The following PSMB1 variants were observed in gnomAD, a reference collection of about 807,000 sequenced individuals.
PSMB1 encodes the protein proteasome 20S subunit beta 1, also known as proteasome subunit beta type-1.
A neutral mutation model predicts 25.4 loss-of-function variants in PSMB1; 7 were observed. That is an observed-to-expected ratio of 0.28 (90% CI 0.16 to 0.52). The LOEUF (loss-of-function observed/expected upper bound fraction) is 0.52, where lower values mean the gene tolerates loss of function less well. PSMB1 is among the 20% of genes least tolerant of loss of function. The probability of loss-of-function intolerance (pLI) is 0.97; values close to 1 mark genes in which losing one functional copy is unlikely to be tolerated. For missense variants in PSMB1, 284 were observed against 302.2 expected, an observed-to-expected ratio of 0.94 and a Z score of 0.45; for synonymous variants, 119 against 115.0, an observed-to-expected ratio of 1.03 and a Z score of -0.22.
At chr6:170,537,388 C>T (rs761783231) in intron 4 of PSMB1, 48 bp from the exon 5 acceptor site, 2 of 1,446,294 alleles carry the variant, frequency 1.4e-6, no homozygotes, top group East Asian at 2.3e-5. Flanking sequence ...AATCACAATC[C>T]CAAATCATCG....
In PSMB1 at chr6:170,535,185, C is replaced by G. The variant is rs371796949; in HGVS notation, c.*35G>C. ...TACAGTTCCAAAGTACAAAATCAAC[C>G]AGGTCTGAACTGATTGGTGATAAGA... On this transcript the variant is annotated 3_prime_UTR_variant, in exon 6 of 6. Coordinates refer to ENST00000262193, the MANE Select transcript of PSMB1 (RefSeq NM_002793.4). 5.2e-5 allele frequency: 80 copies of G among 1,548,364 alleles called. 1 individual carries two copies. The highest frequency in any genetic ancestry group is 1.3e-4 in the Admixed American group (7 of 53,182).
chr6:170,537,288 G>C lies in PSMB1; in HGVS notation c.486C>G (p.Ser162=). ...FDPVGSYQRD[S]FKAGGSASAM... ...CACTTGCTGAGCCTCCAGCCTTGAA[G>C]GAGTCTCTCTGGTAAGACCCTACTG... The change falls in exon 5 of 6, where the codon TCC becomes TCG. Residue 162 remains serine, a synonymous_variant. Transcript: ENST00000262193. 1 of 1,614,138 alleles carries C rather than the reference G, an allele frequency of 6.2e-7. No individual in the cohort carries two copies. Among genetic ancestry groups the C allele is most frequent in the South Asian group, 1.1e-5 (1 of 91,062 alleles).
chr6:170,550,587 C>T (rs1354673803), intron 1 of PSMB1: 1 of 152,056 alleles, frequency 6.6e-6, no homozygotes, highest in East Asian at 1.9e-4. Context: ...GAGAAAAGTT[C>T]CATTTACAAA....
intron 4 of PSMB1, among the ~76,000 whole-genome samples, chr6:170,538,625 G>T (rs1308074312): frequency 6.6e-6 from 1 of 152,190 alleles, no homozygotes; most frequent in Non-Finnish European, 1.5e-5. Flanking sequence ...CTTGAACCCA[G>T]GAGGCGGAGG....
Position 170,548,988 on chromosome 6 carries a change from T to G in PSMB1, c.221+18A>C. ...ATTACAAAGGCATTGTGAAATGTCT[T>G]TAGAAATATTTACTTACAATTTGTA... On this transcript the variant is annotated intron_variant, in intron 2 of 5. Coordinates refer to ENST00000262193, the MANE Select transcript of PSMB1 (RefSeq NM_002793.4). The G allele has an allele frequency of 6.6e-7, 1 of 1,518,962 alleles. No homozygotes were observed. The highest frequency in any genetic ancestry group is 9.1e-7 in the Non-Finnish European group (1 of 1,093,904). The allele number at this position is 1,518,962 out of a possible 1,614,324, so 94.1% of individuals were successfully genotyped here.
intron 1 of PSMB1, chr6:170,549,326 A>G (rs41270445): frequency 0.064 from 31,198 of 486,138 alleles, 1,301 homozygotes; most frequent in African/African-American, 0.14. Flanking sequence ...AAATCAGGGC[A>G]AAGTCTCCTT....
At chr6:170,536,314 A>C in intron 5 of PSMB1, 1 of 447,218 alleles carries the variant, frequency 2.2e-6, no homozygotes, top group South Asian at 1.6e-5. Context: ...AAATACACAT[A>C]AACTGATTAT....
At chr6:170,536,081 T>G (rs7752682) in intron 5 of PSMB1, among the ~76,000 whole-genome samples, 9,704 of 152,124 alleles carry the variant, frequency 0.064, 1,051 homozygotes, top group African/African-American at 0.22. Flanking sequence ...AGGGACGAAT[T>G]AGAAATACAG....
intron 3 of PSMB1, among the ~76,000 whole-genome samples, chr6:170,544,399 G>T (rs1482813209): frequency 6.6e-6 from 1 of 152,062 alleles, no homozygotes; most frequent in African/African-American, 2.4e-5. Context: ...CCAAAACAGG[G>T]TCTTAGCATG....
chr6:170,543,387 A>G (rs1778778357), intron 4 of PSMB1, among the ~76,000 whole-genome samples: 2 of 152,218 alleles, frequency 1.3e-5, no homozygotes, highest in Non-Finnish European at 2.9e-5. Context: ...GAAAATAGCA[A>G]AATAACTGGC....
chr6:170,548,071 A>G (rs1188935908), intron 2 of PSMB1, among the ~76,000 whole-genome samples: 1 of 152,230 alleles, frequency 6.6e-6, no homozygotes, highest in Non-Finnish European at 1.5e-5. Flanking sequence ...AGAGCACCAT[A>G]AACAGAAAGC....
In PSMB1 at chr6:170,553,276, G is replaced by A; in HGVS notation, c.-34C>T. On this transcript the variant is annotated 5_prime_UTR_variant, in exon 1 of 6. Coordinates refer to ENST00000262193, the MANE Select transcript of PSMB1 (RefSeq NM_002793.4). ...TGCGCCTGCGGATCCGACACTTGCT[G>A]TCTCACGGCGAGATGGCTGCCTTGA... 1 of 1,515,914 alleles carries A rather than the reference G, an allele frequency of 6.6e-7. No homozygotes were observed. The highest frequency in any genetic ancestry group is 1.4e-5 in the African/African-American group (1 of 73,314). The allele number at this position is 1,515,914 out of a possible 1,614,324, so 93.9% of individuals were successfully genotyped here. A position where few individuals can be genotyped will look rare whatever the true frequency, so the allele number is the denominator to read the frequency against.
At chr6:170,541,360 T>C (rs1233263845) in intron 4 of PSMB1, among the ~76,000 whole-genome samples, 1 of 151,932 alleles carries the variant, frequency 6.6e-6, no homozygotes, top group East Asian at 1.9e-4. Flanking sequence ...TAATGCATGC[T>C]ACTTGGCGCA....
chr6:170,550,983 A>G (rs1325543051), intron 1 of PSMB1, among the ~76,000 whole-genome samples: 3 of 151,740 alleles, frequency 2.0e-5, no homozygotes, highest in Non-Finnish European at 4.4e-5. Flanking sequence ...CATCTCTACT[A>G]AAAATACAAA....
intron 2 of PSMB1, among the ~76,000 whole-genome samples, chr6:170,547,792 A>C (rs760909): frequency 0.54 from 81,623 of 151,440 alleles, 22,321 homozygotes; most frequent in East Asian, 0.79. Flanking sequence ...TCTAGGTCAG[A>C]CCCACAGGAC....
chr6:170,548,346 C>T (rs1162085370), intron 2 of PSMB1, among the ~76,000 whole-genome samples: 1 of 152,094 alleles, frequency 6.6e-6, no homozygotes, highest in Non-Finnish European at 1.5e-5. Flanking sequence ...AAATACAGAC[C>T]ACTGCCAATC....
chr6:170,552,862 A>C (rs1778930047), intron 1 of PSMB1, among the ~76,000 whole-genome samples: 2 of 152,240 alleles, frequency 1.3e-5, no homozygotes, highest in Admixed American at 6.5e-5. Context: ...TCCACATAAA[A>C]ACTCAAATGA....
At chr6:170,545,000 CAG>C (rs1343400292) in intron 3 of PSMB1, among the ~76,000 whole-genome samples, 2 of 151,878 alleles carry the variant, frequency 1.3e-5, no homozygotes, top group African/African-American at 2.4e-5. Context: ...AAAAATTAGA[CAG>C]GGGTGGTGAC....
chr6:170,552,963 G>C (rs4710839), intron 1 of PSMB1, among the ~76,000 whole-genome samples, 167 bp downstream of exon 1: 60,932 of 152,184 alleles, frequency 0.4, 12,924 homozygotes, highest in East Asian at 0.77. Flanking sequence ...GGAAACACAG[G>C]GCATGAGAGG....
Sources: gnomAD v4.1 joint callset for allele counts (sites outside exome capture counted in the v4.1 genomes callset) on GRCh38, gnomAD v4.1.1 for gene constraint, MANE v1.5 for transcripts, NCBI Gene and HGNC (gene_info 2026-07-23, HGNC 2026-07-21) for gene names.